Variants in TYW1B observed in about 807,000 individuals in gnomAD.
TYW1B encodes tRNA-yW synthesizing protein 1 homolog B.
Under a neutral mutation model 86.9 loss-of-function variants are expected in TYW1B, and 73 were observed. The ratio of observed to expected loss-of-function variants is 0.84; its 90% CI spans 0.70 to 1.02. The LOEUF is 1.02. Ranked by LOEUF, TYW1B falls within the 50% of genes least tolerant of loss-of-function variation. The pLI is 0.00. For missense variants in TYW1B, 637 were observed against 827.4 expected, an observed-to-expected ratio of 0.77 and a Z score of 2.82; for synonymous variants, 248 against 292.8, an observed-to-expected ratio of 0.85 and a Z score of 1.56.
At chr7:72,582,650 G>T (rs1811182829) in intron 13 of TYW1B, among the ~76,000 whole-genome samples, 1 of 152,178 alleles carries the variant, frequency 6.6e-6, no homozygotes, top group South Asian at 2.1e-4. Context: ...GTGATCTCAG[G>T]ATAACAGCTG....
intron 11 of TYW1B, among the ~76,000 whole-genome samples, chr7:72,675,489 GAC>G (rs1813713289): frequency 6.6e-6 from 1 of 150,924 alleles, no homozygotes; most frequent in South Asian, 2.1e-4. Flanking sequence ...TATTAGTTTT[GAC>G]AGTCAATAGT....
intron 5 of TYW1B, among the ~76,000 whole-genome samples, chr7:72,805,839 G>C (rs1788483977): frequency 6.6e-6 from 1 of 152,128 alleles, no homozygotes; most frequent in African/African-American, 2.4e-5. Flanking sequence ...AACAGGGATG[G>C]AGAGAGAAAC....
intron 7 of TYW1B, among the ~76,000 whole-genome samples, chr7:72,761,670 G>C (rs1202686519): frequency 4.0e-5 from 6 of 151,588 alleles, no homozygotes; most frequent in African/African-American, 1.5e-4. Context: ...GTTATTTAAA[G>C]GCTATTTCAA....
chr7:72,692,674 A>G (rs1321845005), intron 11 of TYW1B, among the ~76,000 whole-genome samples: 18 of 152,160 alleles, frequency 1.2e-4, no homozygotes, highest in Non-Finnish European at 2.1e-4. Context: ...TTAGGAAGGG[A>G]AAAAGGGGCA....
intron 11 of TYW1B, among the ~76,000 whole-genome samples, chr7:72,631,776 A>G (rs1342785857): frequency 6.6e-6 from 1 of 152,110 alleles, no homozygotes; most frequent in African/African-American, 2.4e-5. Context: ...TTCCAAGGAT[A>G]CAGTAGTGAG....
chr7:72,763,443 C>T (rs927734293), intron 7 of TYW1B, among the ~76,000 whole-genome samples: 1 of 151,748 alleles, frequency 6.6e-6, no homozygotes, highest in Middle Eastern at 3.4e-3. Context: ...CCACCACACT[C>T]GGCTAATTTT....
At chr7:72,689,358 A>C (rs1198733202) in intron 11 of TYW1B, among the ~76,000 whole-genome samples, 3 of 152,214 alleles carry the variant, frequency 2.0e-5, no homozygotes, top group African/African-American at 7.2e-5. Flanking sequence ...TGAAAGTCTC[A>C]ATGCCACCAA....
intron 5 of TYW1B, among the ~76,000 whole-genome samples, chr7:72,806,254 G>C (rs1445376428): frequency 2.0e-5 from 2 of 98,804 alleles, no homozygotes; most frequent in Non-Finnish European, 4.1e-5. Flanking sequence ...TTTTTTTTTT[G>C]AGACTGAGTC....
intron 6 of TYW1B, among the ~76,000 whole-genome samples, chr7:72,795,152 C>A (rs1292769041): frequency 6.6e-6 from 1 of 151,944 alleles, no homozygotes; most frequent in Non-Finnish European, 1.5e-5. Context: ...TGCCTCCCCC[C>A]AGCTGCTCCC....
chr7:72,691,979 G>A (rs1415504942), intron 11 of TYW1B, among the ~76,000 whole-genome samples: 1 of 152,002 alleles, frequency 6.6e-6, no homozygotes, highest in Non-Finnish European at 1.5e-5. Flanking sequence ...GTTGAGGCAG[G>A]CGGATCACTT....
intron 10 of TYW1B, among the ~76,000 whole-genome samples, chr7:72,708,468 A>G (rs1554454044): frequency 6.6e-6 from 1 of 151,506 alleles, no homozygotes; most frequent in Admixed American, 6.6e-5. Context: ...TAATTCTTAC[A>G]GTGTGCTCAA....
chr7:72,792,189 T>G (rs1241596753), intron 6 of TYW1B, among the ~76,000 whole-genome samples: 1 of 151,872 alleles, frequency 6.6e-6, no homozygotes, highest in Non-Finnish European at 1.5e-5. Flanking sequence ...TAGTTGCGCA[T>G]GGTGGCATGC....
intron 12 of TYW1B, among the ~76,000 whole-genome samples, chr7:72,622,912 C>A (rs868924088): frequency 3.9e-5 from 6 of 152,146 alleles, no homozygotes; most frequent in African/African-American, 7.2e-5. Flanking sequence ...GACGCCACTC[C>A]CGCATTTACA....
At chr7:72,684,609 A>C (rs1554448966) in intron 11 of TYW1B, among the ~76,000 whole-genome samples, 1 of 152,218 alleles carries the variant, frequency 6.6e-6, no homozygotes, top group East Asian at 1.9e-4. Flanking sequence ...ATAGGTCAGA[A>C]ACTCAGATCT....
intron 8 of TYW1B, among the ~76,000 whole-genome samples, chr7:72,742,734 C>T (rs1787327161): frequency 6.6e-6 from 1 of 151,656 alleles, no homozygotes; most frequent in Non-Finnish European, 1.5e-5. Flanking sequence ...ATAATCATAA[C>T]AAAATAACCC....
intron 13 of TYW1B, among the ~76,000 whole-genome samples, chr7:72,608,668 T>C (rs1299595552): frequency 1.3e-5 from 2 of 152,202 alleles, no homozygotes; most frequent in African/African-American, 4.8e-5. Context: ...ACACGCAGGT[T>C]GAAGGGCAAA....
chr7:72,692,786 A>G (rs1325990914), intron 11 of TYW1B, among the ~76,000 whole-genome samples: 11 of 152,184 alleles, frequency 7.2e-5, no homozygotes, highest in Non-Finnish European at 1.2e-4. Flanking sequence ...AAGAAAGAAC[A>G]TTCCTTCCAA....
chr7:72,594,356 C>A (rs1216379729), intron 13 of TYW1B, among the ~76,000 whole-genome samples: 5 of 142,930 alleles, frequency 3.5e-5, no homozygotes, highest in Admixed American at 7.0e-5. Context: ...AAAAAAAAAA[C>A]TGTAAGAGTG....
Position 72,738,918 on chromosome 7 carries a change from A to G in TYW1B, c.1082+5566T>C, listed in dbSNP as rs79492119. Reference sequence around the variant, plus strand: ...AGACCCTGTCTCTATCAAAAAAAAAAAAAAATAATAATAATAAACTGGATA... The same window carrying G: ...AGACCCTGTCTCTATCAAAAAAAAAGAAAAATAATAATAATAAACTGGATA... On this transcript the variant is annotated intron_variant, in intron 8 of 13. Coordinates refer to ENST00000620995, the MANE Select transcript of TYW1B (RefSeq NM_001145440.3). 1.5e-4 allele frequency among the ~76,000 whole-genome samples: 23 copies of G among 150,328 alleles called. No homozygotes were observed. The East Asian group carries it at 4.1e-3, about 27-fold the overall frequency.
Sources: allele counts gnomAD v4.1 joint callset (sites outside exome capture counted in the v4.1 genomes callset), GRCh38; gene constraint gnomAD v4.1.1; transcripts MANE v1.5; gene names NCBI Gene and HGNC (gene_info 2026-07-23, HGNC 2026-07-21).